PHF3: variants seen among roughly 807,000 people sequenced by gnomAD.
PHF3 encodes PHD finger protein 3.
In PHF3, 41 loss-of-function variants were observed where a neutral mutation model predicts 178.4. That is an observed-to-expected ratio of 0.23 (90% confidence interval 0.18 to 0.30). PHF3 has a LOEUF of 0.30. Ranked by LOEUF, PHF3 falls within the 10% of genes least tolerant of loss-of-function variation. The probability of loss-of-function intolerance (pLI) is 1.00; values close to 1 mark genes in which losing one functional copy is unlikely to be tolerated. For synonymous variants in PHF3, 842 were observed against 800.5 expected, an observed-to-expected ratio of 1.05 and a Z score of -0.88; for missense variants, 2,346 against 2,398.1, an observed-to-expected ratio of 0.98 and a Z score of 0.45.
In PHF3 at chr6:63,711,972, A is replaced by G; in HGVS notation, c.4384A>G (p.Lys1462Glu). ...ACCTACTACTCTGGAATTAGCAAAT[A>G]AACCTCTTCCTGTGGATGATATACT... is the stretch of plus-strand genomic sequence containing the variant. ...NQPTTLELANKPLPVDDILQS... is the reference protein window; with the variant it reads ...NQPTTLELANEPLPVDDILQS... The change falls in exon 16 of 16, where the codon AAA becomes GAA. Residue 1462 changes from lysine to glutamate, a missense_variant. Physicochemically the swap from Lys to Glu is moderately conservative, Grantham distance 56. Around this residue, in one of 8 missense-constraint regions of PHF3, gnomAD observed 839 missense variants for 806.9 expected, o/e 1.04. Transcript: ENST00000262043. 2 of 1,613,722 alleles carry G rather than the reference A, an allele frequency of 1.2e-6. No individual in the cohort carries two copies. Among genetic ancestry groups the G allele is most frequent in the Non-Finnish European group, 1.7e-6 (2 of 1,179,842 alleles).
intron 7 of PHF3, 22 bp downstream of exon 7, chr6:63,698,389 G>C: frequency 6.3e-7 from 1 of 1,589,976 alleles, no homozygotes; most frequent in Non-Finnish European, 8.6e-7. Context: ...TTTTATTATA[G>C]AAGTATCAAT....
At chr6:63,679,724 A>G in intron 2 of PHF3, 1 of 441,682 alleles carries the variant, frequency 2.3e-6, no homozygotes, top group African/African-American at 2.0e-5. Context: ...TCAGCAAGTA[A>G]TAAATGGAAG....
Position 63,724,529 on chromosome 6 carries a change from G to C in PHF3, c.*10821G>C, listed in dbSNP as rs1768538830. Among the ~76,000 whole-genome samples, 1 of 151,942 alleles carries C rather than the reference G, an allele frequency of 6.6e-6. No individual in the cohort carries two copies. The highest frequency in any genetic ancestry group is 1.5e-5 in the Non-Finnish European group (1 of 67,992). ...TTATAACTATATCAGATGAATTCAG[G>C]CTTTGATTAATTTGTGCTTAACAAA... On this transcript the variant is annotated 3_prime_UTR_variant, in exon 16 of 16. Coordinates refer to ENST00000262043, the MANE Select transcript of PHF3 (RefSeq NM_001370348.2).
chr6:63,720,986 A>G lies in PHF3; in HGVS notation c.*7278A>G, dbSNP rs750882724. The G allele has an allele frequency of 1.3e-6, 2 of 1,551,232 alleles. No individual in the cohort carries two copies. Among genetic ancestry groups the G allele is most frequent in the African/African-American group, 2.7e-5 (2 of 73,026 alleles). On this transcript the variant is annotated 3_prime_UTR_variant, in exon 16 of 16. Coordinates refer to ENST00000262043, the MANE Select transcript of PHF3 (RefSeq NM_001370348.2). The stretch of plus-strand genomic sequence containing the variant: ...AGTTAACTGCTATTTTCAAGGTCTG[A>G]TTATGGAGACCAATTGCCAGAAAAT...
intron 2 of PHF3, among the ~76,000 whole-genome samples, chr6:63,653,341 T>C (rs1765102269): frequency 6.6e-6 from 1 of 152,026 alleles, no homozygotes; most frequent in Admixed American, 6.6e-5. Context: ...TGTCTTTCCA[T>C]TTTTTGATGT....
Position 63,713,566 on chromosome 6 carries a change from A to G in PHF3, c.5978A>G (p.Asp1993Gly). 6.2e-7 allele frequency: 1 copy of G among 1,613,826 alleles called. No homozygotes were observed. Among genetic ancestry groups the G allele is most frequent in the South Asian group, 1.1e-5 (1 of 91,062 alleles). ...GCAAGCAGAGATAGTAGGAATGTAGACAAGAAGCCAGATAAACCTAAAAGT... is the reference window on the plus strand; with the variant it reads ...GCAAGCAGAGATAGTAGGAATGTAGGCAAGAAGCCAGATAAACCTAAAAGT... ...GKASRDSRNV[D>G]KKPDKPKSED... is the part of the protein sequence containing the mutation. The change falls in exon 16 of 16, where the codon GAC becomes GGC. Residue 1993 changes from aspartate to glycine, a missense_variant. Asp to Gly is a moderately conservative substitution (Grantham distance 94). This residue lies in a region of PHF3 where 839 missense variants were observed against 806.9 expected (regional missense o/e 1.04). Transcript: ENST00000262043.
In PHF3 at chr6:63,717,492, A is replaced by C. The variant is rs1401152399; in HGVS notation, c.*3784A>C. On this transcript the variant is annotated 3_prime_UTR_variant, in exon 16 of 16. Coordinates refer to ENST00000262043, the MANE Select transcript of PHF3 (RefSeq NM_001370348.2). ...GGTTACTGCTTTTAAAAAGGTGCCA[A>C]ACACCCTAATTCTTTGATTTCTGTT... Among the ~76,000 whole-genome samples, 1 of 151,294 alleles carries C rather than the reference A, an allele frequency of 6.6e-6. No individual in the cohort carries two copies. The highest frequency in any genetic ancestry group is 1.5e-5 in the Non-Finnish European group (1 of 67,892).
rs1768153439 is a variant in PHF3, at chr6:63,715,324, A to C, written c.*1616A>C. On this transcript the variant is annotated 3_prime_UTR_variant, in exon 16 of 16. Transcript: ENST00000262043. Reference sequence around the variant, plus strand: ...TAACTTTGGTCCACTTTTCTTTTGGAAATTAACTTGTTAGAAAACAAAGTT... The same window carrying C: ...TAACTTTGGTCCACTTTTCTTTTGGCAATTAACTTGTTAGAAAACAAAGTT... 1.3e-5 allele frequency: 2 copies of C among 152,176 alleles called. No homozygotes were observed. Among genetic ancestry groups the C allele is most frequent in the Non-Finnish European group, 2.9e-5 (2 of 68,024 alleles). The allele number at this position is 152,176 out of a possible 1,614,324, so 9.4% of individuals were successfully genotyped here.
intron 15 of PHF3, 100 bp from the exon 16 acceptor site, chr6:63,711,486 G>T (rs1328118493): frequency 7.4e-7 from 1 of 1,347,178 alleles, no homozygotes; most frequent in Admixed American, 2.3e-5. Context: ...GACAGGGCCA[G>T]GCACCATTTA....
chr6:63,709,747 A>G (rs1485239577), intron 14 of PHF3, among the ~76,000 whole-genome samples: 1 of 152,196 alleles, frequency 6.6e-6, no homozygotes. Flanking sequence ...TCACATAGCC[A>G]TCCATACATA....
chr6:63,720,840 A>T lies in PHF3; in HGVS notation c.*7132A>T. ...TGGATCAATATCCTCGGAAAGAATT[A>T]GACTGTTATTTATGTAGGCCTTGAT... is the stretch of plus-strand genomic sequence containing the variant. On this transcript the variant is annotated 3_prime_UTR_variant, in exon 16 of 16. Transcript: ENST00000262043. The T allele has an allele frequency of 6.4e-7, 1 of 1,551,266 alleles. No homozygotes were observed. The highest frequency in any genetic ancestry group is 8.7e-7 in the Non-Finnish European group (1 of 1,146,684).
intron 2 of PHF3, among the ~76,000 whole-genome samples, chr6:63,662,975 C>A (rs1765533328): frequency 1.3e-5 from 2 of 152,112 alleles, no homozygotes; most frequent in African/African-American, 2.4e-5. Flanking sequence ...TGAATAGTCC[C>A]CTTAAGTTGA....
intron 2 of PHF3, among the ~76,000 whole-genome samples, chr6:63,673,927 C>T (rs2149571402): frequency 6.6e-6 from 1 of 152,256 alleles, no homozygotes; most frequent in African/African-American, 2.4e-5. Flanking sequence ...AGCCATATTG[C>T]AGAGAAAAAC....
intron 2 of PHF3, among the ~76,000 whole-genome samples, chr6:63,658,194 C>T (rs1026068466): frequency 1.3e-5 from 2 of 152,172 alleles, no homozygotes; most frequent in Non-Finnish European, 2.9e-5. Flanking sequence ...TTTAGAGATT[C>T]TAAAAGTTAG....
Position 63,702,648 on chromosome 6 carries a change from A to G in PHF3, c.3231+9A>G. ...CAGCCATGGAGATTCAGGTAAGGAT[A>G]GATATGCCATGTTTTATAGCTCAAA... is the stretch of plus-strand genomic sequence containing the variant. On this transcript the variant is annotated intron_variant, in intron 10 of 15. Transcript: ENST00000262043. 6.2e-7 allele frequency: 1 copy of G among 1,604,140 alleles called. No homozygotes were observed. Among genetic ancestry groups the G allele is most frequent in the Non-Finnish European group, 8.5e-7 (1 of 1,175,256 alleles).
At chr6:63,643,330 T>C (rs1764655253) in intron 1 of PHF3, among the ~76,000 whole-genome samples, 1 of 152,254 alleles carries the variant, frequency 6.6e-6, no homozygotes, top group African/African-American at 2.4e-5. Context: ...CCAGTAAATG[T>C]TACTTTCAAG....
At chr6:63,687,282 G>T (rs1766754836) in intron 4 of PHF3, among the ~76,000 whole-genome samples, 1 of 152,150 alleles carries the variant, frequency 6.6e-6, no homozygotes, top group Non-Finnish European at 1.5e-5. Context: ...AAGTTAGCTG[G>T]GTGTGCTGGT....
intron 3 of PHF3, among the ~76,000 whole-genome samples, chr6:63,682,839 G>T (rs1000033724): frequency 6.6e-6 from 1 of 151,888 alleles, no homozygotes; most frequent in Non-Finnish European, 1.5e-5. Flanking sequence ...TTTAGCAACC[G>T]CTTGGGTGTT....
chr6:63,647,715 T>C, intron 2 of PHF3, among the ~76,000 whole-genome samples: 1 of 152,340 alleles, frequency 6.6e-6, no homozygotes, highest in Middle Eastern at 3.4e-3. Context: ...TTTGTCATGT[T>C]AATGTATAAA....
Sources: gnomAD v4.1 joint callset for allele counts (sites outside exome capture counted in the v4.1 genomes callset) on GRCh38, gnomAD v4.1.1 for gene constraint, gnomAD v4.1.1 regional missense constraint, MANE v1.5 for transcripts, NCBI Gene and HGNC (gene_info 2026-07-23, HGNC 2026-07-21) for gene names.